LIMCH1: variants seen among roughly 807,000 people sequenced by gnomAD.
The protein encoded by LIMCH1 is LIM and calponin homology domains 1.
In LIMCH1, 113 loss-of-function variants were observed where a neutral mutation model predicts 176.5. The observed-to-expected ratio is 0.64, with a 90% CI of 0.55 to 0.75. The LOEUF is 0.75. Among genes scored for constraint, LIMCH1 ranks in the 30% least tolerant of loss-of-function variants. The probability of loss-of-function intolerance (pLI) is 0.00; values close to 1 mark genes in which losing one functional copy is unlikely to be tolerated. For synonymous variants in LIMCH1, 619 were observed against 645.9 expected (o/e 0.96, Z 0.63); for missense variants, 1,674 against 1,814.9 (o/e 0.92, Z 1.41).
At chr4:41,569,229 A>G (rs889010651) in intron 1 of LIMCH1, among the ~76,000 whole-genome samples, 15 of 152,320 alleles carry the variant, frequency 9.8e-5, no homozygotes, top group East Asian at 5.8e-4. Flanking sequence ...GAAGAGCTCA[A>G]TTGAAGACTT....
upstream of LIMCH1, among the ~76,000 whole-genome samples, chr4:41,537,839 T>C (rs1454075305): frequency 6.6e-6 from 1 of 152,204 alleles, no homozygotes; most frequent in Non-Finnish European, 1.5e-5. Context: ...AACATTGTTA[T>C]TTTACAAATA....
chr4:41,456,326 T>C (rs916235398), intron 1 of LIMCH1, among the ~76,000 whole-genome samples: 6 of 152,192 alleles, frequency 3.9e-5, no homozygotes, highest in Non-Finnish European at 5.9e-5. Flanking sequence ...TCATTTTTCT[T>C]ATTATGTTTG....
chr4:41,632,820 AAG>A lies in LIMCH1; in HGVS notation c.1676_1677del (p.Glu559ValfsTer36). 1 of 1,536,174 alleles carries A rather than the reference AAG, an allele frequency of 6.5e-7. No individual in the cohort carries two copies. Among genetic ancestry groups the A allele is most frequent in the Non-Finnish European group, 8.7e-7 (1 of 1,146,914 alleles). On this transcript the variant is annotated frameshift_variant, in exon 11 of 32. Transcript: ENST00000503057. LOFTEE classifies it high-confidence loss of function. The stretch of plus-strand genomic sequence containing the variant: ...CTGGCTCCTGTGCCGGAGTCTCAGG[AAG>A]AGTGGGTCTGCAGTTTGGGCGAGTG...
Position 41,444,355 on chromosome 4 carries a change from T to C in LIMCH1, c.97-50181T>C, listed in dbSNP as rs1042066052. 4.2e-5 allele frequency among the ~76,000 whole-genome samples: 6 copies of C among 144,218 alleles called. No homozygotes were observed. The East Asian group carries it at 1.3e-3, about 31-fold the overall frequency. 94.6% of individuals were successfully genotyped at this position (144,218 alleles called of 152,430 possible). A position where few individuals can be genotyped will look rare whatever the true frequency, so the allele number is the denominator to read the frequency against. The stretch of plus-strand genomic sequence containing the variant: ...ACACACACACACACACACACACACA[T>C]ATATAGAGTGCAGGGCATAGCATAA... On this transcript the variant is annotated intron_variant, in intron 1 of 26. Coordinates refer to the LIMCH1 transcript ENST00000313860.
intron 18 of LIMCH1, among the ~76,000 whole-genome samples, chr4:41,661,148 T>C (rs1429355597): frequency 6.6e-6 from 1 of 150,972 alleles, no homozygotes; most frequent in Non-Finnish European, 1.5e-5. Flanking sequence ...GATTTTGAGC[T>C]TTTGGTGGTG....
intron 2 of LIMCH1, among the ~76,000 whole-genome samples, chr4:41,519,631 A>G (rs946769268): frequency 1.3e-5 from 2 of 152,224 alleles, no homozygotes; most frequent in Non-Finnish European, 2.9e-5. Flanking sequence ...GAGAAAGAGA[A>G]CAAGCAAAAC....
In LIMCH1 at chr4:41,599,166, CA is replaced by C. The variant is rs949943568; in HGVS notation, c.-134+144del. The C allele has an allele frequency of 2.1e-4, 123 of 577,666 alleles. 2 individuals are homozygous for C. In the African/African-American group the frequency reaches 2.2e-3, roughly 10 times the overall value. The allele number at this position is 577,666 out of a possible 1,614,324, so 35.8% of individuals were successfully genotyped here. On this transcript the variant is annotated intron_variant, in intron 2 of 31. Transcript: ENST00000503057. ...AAATGTGAAGGTAAAAATCAACTTTCAAAACAACTCACATTGACTTTCCCTC... is the reference window on the plus strand; with the variant it reads ...AAATGTGAAGGTAAAAATCAACTTTCAAACAACTCACATTGACTTTCCCTC...
At chr4:41,497,678 GC>G (rs1369354185) in intron 2 of LIMCH1, among the ~76,000 whole-genome samples, 1 of 152,040 alleles carries the variant, frequency 6.6e-6, no homozygotes, top group Non-Finnish European at 1.5e-5. Context: ...GGTGGCGGAT[GC>G]CTGTAATCCC....
chr4:41,682,551 T>C, intron 26 of LIMCH1, 91 bp downstream of exon 26: 1 of 1,250,000 alleles, frequency 8.0e-7, no homozygotes, highest in African/African-American at 1.5e-5. Context: ...TGATGCAAAT[T>C]ACATTCAGCT....
intron 1 of LIMCH1, among the ~76,000 whole-genome samples, chr4:41,448,117 A>G (rs982272436): frequency 2.0e-5 from 3 of 152,188 alleles, no homozygotes; most frequent in South Asian, 2.1e-4. Context: ...AAAAAATGAA[A>G]TGGAGTAGAA....
At chr4:41,568,443 G>A (rs2083067021) in intron 1 of LIMCH1, among the ~76,000 whole-genome samples, 1 of 152,194 alleles carries the variant, frequency 6.6e-6, no homozygotes, top group African/African-American at 2.4e-5. Context: ...GTGTGTCATG[G>A]GTTTGATCCA....
At chr4:41,547,861 GTGTATATATA>G (rs58274729) in intron 1 of LIMCH1, among the ~76,000 whole-genome samples, 2,520 of 84,972 alleles carry the variant, frequency 0.03, 101 homozygotes, top group African/African-American at 0.095. Flanking sequence ...ATTTGTGTGT[GTGTATATATA>G]TATATATATA....
intron 1 of LIMCH1, among the ~76,000 whole-genome samples, chr4:41,458,536 G>A (rs2064894813): frequency 6.6e-6 from 1 of 152,046 alleles, no homozygotes. Context: ...CAGCACTTTG[G>A]GAGGCAGAGG....
chr4:41,627,746 A>G (rs958487833), intron 8 of LIMCH1, among the ~76,000 whole-genome samples: 2 of 152,186 alleles, frequency 1.3e-5, no homozygotes, highest in Non-Finnish European at 2.9e-5. Flanking sequence ...CATTTAGGGA[A>G]CCTACTTGCT....
At chr4:41,441,855 A>G (rs1233451941) in intron 1 of LIMCH1, among the ~76,000 whole-genome samples, 2 of 152,224 alleles carry the variant, frequency 1.3e-5, no homozygotes, top group African/African-American at 4.8e-5. Flanking sequence ...TATTAATTTT[A>G]TAGGTTTTTG....
chr4:41,633,526 G>T (rs1188184211), intron 12 of LIMCH1, 22 bp from the exon 13 acceptor site: 1 of 1,532,976 alleles, frequency 6.5e-7, no homozygotes, highest in Non-Finnish European at 8.7e-7. Context: ...CCTTTGACTG[G>T]CTGGACTGAA....
At chr4:41,659,291 A>AGT (rs2094546608) in intron 18 of LIMCH1, among the ~76,000 whole-genome samples, 1 of 152,180 alleles carries the variant, frequency 6.6e-6, no homozygotes, top group Non-Finnish European at 1.5e-5. Flanking sequence ...GGGTTTTAAA[A>AGT]GTGTGTTTTA....
At chr4:41,663,036 C>CT in intron 20 of LIMCH1, 52 bp downstream of exon 20, 1 of 1,522,430 alleles carries the variant, frequency 6.6e-7, no homozygotes. Context: ...AACATGGCCC[C>CT]ATATTACAGC....
chr4:41,419,240 C>T (rs1377996714), intron 1 of LIMCH1, among the ~76,000 whole-genome samples: 1 of 151,862 alleles, frequency 6.6e-6, no homozygotes, highest in Non-Finnish European at 1.5e-5. Flanking sequence ...TGCAGTGGCA[C>T]AATCTCAGCT....
Sources: allele counts gnomAD v4.1 joint callset (sites outside exome capture counted in the v4.1 genomes callset), GRCh38; gene constraint gnomAD v4.1.1; transcripts MANE v1.5; gene names NCBI Gene and HGNC (gene_info 2026-07-23, HGNC 2026-07-21).